Variants in CNBD1 observed in about 807,000 individuals in gnomAD.
CNBD1 encodes the protein cyclic nucleotide-binding domain-containing protein 1.
In CNBD1, 71 loss-of-function variants were observed where a neutral mutation model predicts 54.4. The ratio of observed to expected loss-of-function variants is 1.30; its 90% CI spans 1.08 to 1.59. The LOEUF is 1.59. Among genes scored for constraint, CNBD1 ranks in the 40% most tolerant of loss-of-function variants. The probability of loss-of-function intolerance (pLI) is 0.00; values close to 1 mark genes in which losing one functional copy is unlikely to be tolerated. For missense variants in CNBD1, 659 were observed against 518.0 expected, an observed-to-expected ratio of 1.27 and a Z score of -2.64; for synonymous variants, 182 against 170.7, an observed-to-expected ratio of 1.07 and a Z score of -0.51.
chr8:87,224,552 T>G (rs1236051152), intron 5 of CNBD1, among the ~76,000 whole-genome samples: 1 of 151,126 alleles, frequency 6.6e-6, no homozygotes, highest in Admixed American at 6.6e-5. Flanking sequence ...CAGATAGTTG[T>G]AGATGTGCGG....
chr8:87,317,288 T>A (rs994546779), intron 8 of CNBD1, among the ~76,000 whole-genome samples: 3 of 151,008 alleles, frequency 2.0e-5, no homozygotes, highest in Non-Finnish European at 4.4e-5. Context: ...GTTGTTGATT[T>A]GAGACTTTTT....
Position 87,284,079 on chromosome 8 carries a change from C to T in CNBD1, c.772-599C>T, listed in dbSNP as rs533991657. ...AGCTCCTCAGCCTCTCATAAAAATA[C>T]GCTCCTTATCCTTCACATGCCCTCC... is the stretch of plus-strand genomic sequence containing the variant. On this transcript the variant is annotated intron_variant, in intron 6 of 10. Coordinates refer to ENST00000518476, the MANE Select transcript of CNBD1 (RefSeq NM_173538.3). Among the ~76,000 whole-genome samples, 32 of 152,184 alleles carry T rather than the reference C, an allele frequency of 2.1e-4. No individual in the cohort carries two copies. The South Asian group carries it at 4.3e-3, about 21-fold the overall frequency.
intron 2 of CNBD1, among the ~76,000 whole-genome samples, chr8:87,410,462 G>T (rs1807723542): frequency 6.6e-6 from 1 of 152,064 alleles, no homozygotes; most frequent in Non-Finnish European, 1.5e-5. Context: ...TAACTAAATT[G>T]CTGCAATTTC....
chr8:86,884,151 C>CA (rs1435777479), intron 1 of CNBD1, among the ~76,000 whole-genome samples: 22 of 136,836 alleles, frequency 1.6e-4, no homozygotes, highest in East Asian at 7.1e-4. Flanking sequence ...GACTCCGTCT[C>CA]AAAACAAAAC....
intron 5 of CNBD1, among the ~76,000 whole-genome samples, chr8:87,223,387 G>A (rs62527357): frequency 6.1e-5 from 9 of 147,590 alleles, no homozygotes; most frequent in African/African-American, 1.3e-4. Flanking sequence ...GCTATCCCTC[G>A]CCCCTCCCCC....
intron 8 of CNBD1, among the ~76,000 whole-genome samples, chr8:87,322,458 A>G (rs1274323505): frequency 1.6e-5 from 2 of 121,770 alleles, no homozygotes; most frequent in Non-Finnish European, 3.7e-5. Context: ...CATCCTCTCT[A>G]ACACCTGTTG....
intron 10 of CNBD1, among the ~76,000 whole-genome samples, chr8:87,362,318 G>A (rs1371149874): frequency 6.6e-6 from 1 of 152,018 alleles, no homozygotes; most frequent in African/African-American, 2.4e-5. Context: ...TACTGCAACA[G>A]GTCATTCAGT....
chr8:87,415,028 C>T (rs1460931305), intron 2 of CNBD1, among the ~76,000 whole-genome samples: 1 of 152,008 alleles, frequency 6.6e-6, no homozygotes, highest in African/African-American at 2.4e-5. Flanking sequence ...TGAAGGGGGA[C>T]CTGCTCAGTG....
chr8:87,386,899 A>T (rs1811200967), downstream of CNBD1, among the ~76,000 whole-genome samples: 1 of 152,246 alleles, frequency 6.6e-6, no homozygotes, highest in Non-Finnish European at 1.5e-5. Context: ...TGAGACTAAC[A>T]GCTGATCTCT....
At chr8:87,000,160 G>T (rs1038273006) in intron 4 of CNBD1, among the ~76,000 whole-genome samples, 1 of 152,064 alleles carries the variant, frequency 6.6e-6, no homozygotes, top group Non-Finnish European at 1.5e-5. Flanking sequence ...CTGAGAGAGG[G>T]ACCCAGGTTG....
At chr8:86,934,150 TA>T (rs1380061341) in intron 3 of CNBD1, among the ~76,000 whole-genome samples, 2 of 152,202 alleles carry the variant, frequency 1.3e-5, no homozygotes, top group African/African-American at 2.4e-5. Flanking sequence ...GTCCCTGACA[TA>T]TAACATCTTT....
intron 4 of CNBD1, among the ~76,000 whole-genome samples, chr8:87,116,632 CTG>C (rs1282475590): frequency 2.0e-4 from 30 of 152,186 alleles, no homozygotes; most frequent in Non-Finnish European, 2.2e-4. Context: ...ATTTCATCCT[CTG>C]TCAGTCAAAT....
intron 8 of CNBD1, among the ~76,000 whole-genome samples, chr8:87,288,070 C>A (rs942982049): frequency 6.6e-6 from 1 of 151,864 alleles, no homozygotes; most frequent in Non-Finnish European, 1.5e-5. Flanking sequence ...CTAAATTCCC[C>A]ATGTTTATTA....
At chr8:86,883,889 C>T (rs1373455816) in intron 1 of CNBD1, among the ~76,000 whole-genome samples, 5 of 152,140 alleles carry the variant, frequency 3.3e-5, no homozygotes, top group Non-Finnish European at 5.9e-5. Flanking sequence ...CGGTGGCTCA[C>T]GCCTGTAATC....
chr8:87,386,706 T>G (rs1811197272), downstream of CNBD1, among the ~76,000 whole-genome samples: 1 of 152,052 alleles, frequency 6.6e-6, no homozygotes, highest in African/African-American at 2.4e-5. Flanking sequence ...CAGGAGAACT[T>G]CCCCAATGTA....
At chr8:87,394,346 T>G (rs1400671242) in intron 2 of CNBD1, among the ~76,000 whole-genome samples, 1 of 151,896 alleles carries the variant, frequency 6.6e-6, no homozygotes, top group Non-Finnish European at 1.5e-5. Flanking sequence ...TAGTTCAACT[T>G]CACATATATT....
chr8:86,866,922 ATCT>A (rs765021149), intron 1 of CNBD1, among the ~76,000 whole-genome samples: 12 of 152,182 alleles, frequency 7.9e-5, no homozygotes, highest in Non-Finnish European at 1.6e-4. Context: ...TTTCTAGCAG[ATCT>A]TCTACTCCCT....
chr8:86,868,377 C>G (rs1022053634), intron 1 of CNBD1, among the ~76,000 whole-genome samples: 2 of 152,042 alleles, frequency 1.3e-5, no homozygotes, highest in Non-Finnish European at 2.9e-5. Flanking sequence ...AAGTCTTGCT[C>G]TGTTGCCCAG....
intron 2 of CNBD1, among the ~76,000 whole-genome samples, chr8:87,392,446 A>T (rs1388404513): frequency 6.6e-6 from 1 of 152,056 alleles, no homozygotes; most frequent in Non-Finnish European, 1.5e-5. Flanking sequence ...TTAAAATGTC[A>T]TAAGCATATT....
Sources: gnomAD v4.1 joint callset for allele counts (sites outside exome capture counted in the v4.1 genomes callset) on GRCh38, gnomAD v4.1.1 for gene constraint, MANE v1.5 for transcripts, NCBI Gene and HGNC (gene_info 2026-07-23, HGNC 2026-07-21) for gene names.